MEIG1: variants seen among roughly 807,000 people sequenced by gnomAD.
MEIG1 encodes the protein meiosis/spermiogenesis associated 1.
A neutral mutation model predicts 11.3 loss-of-function variants in MEIG1; 12 were observed. The observed-to-expected ratio is 1.07, with a 90% confidence interval of 0.68 to 1.73. The LOEUF is 1.73. Among genes scored for constraint, MEIG1 ranks in the 40% most tolerant of loss-of-function variants. The probability of loss-of-function intolerance (pLI) is 0.00; values close to 1 mark genes in which losing one functional copy is unlikely to be tolerated. For synonymous variants in MEIG1, 41 were observed against 33.2 expected (o/e 1.24, Z -0.81); for missense variants, 119 against 104.9 (o/e 1.13, Z -0.59).
At chr10:14,958,651 C>A (rs946142730), upstream of MEIG1, among the ~76,000 whole-genome samples, 9 of 152,192 alleles carry the variant, frequency 5.9e-5, no homozygotes, top group Non-Finnish European at 1.0e-4. Flanking sequence ...AATCCCAGCT[C>A]TTTGGGAGGC....
chr10:14,976,827 G>T (rs1589213860), downstream of MEIG1, among the ~76,000 whole-genome samples: 1 of 151,912 alleles, frequency 6.6e-6, no homozygotes, highest in Non-Finnish European at 1.5e-5. Context: ...AATGTCACAG[G>T]GCGTGTAGAC....
chr10:14,969,628 A>C (rs910262188), intron 2 of MEIG1, among the ~76,000 whole-genome samples: 2 of 152,122 alleles, frequency 1.3e-5, no homozygotes, highest in Non-Finnish European at 2.9e-5. Context: ...TGCAGTCAGG[A>C]GTTAGAGACC....
At chr10:14,977,329 C>T (rs1174568170), downstream of MEIG1, among the ~76,000 whole-genome samples, 1 of 151,902 alleles carries the variant, frequency 6.6e-6, no homozygotes, top group East Asian at 1.9e-4. Flanking sequence ...TGTCACAGGC[C>T]TGTTCCTTCT....
chr10:14,971,216 G>A (rs117504113), intron 2 of MEIG1, among the ~76,000 whole-genome samples: 64 of 143,648 alleles, frequency 4.5e-4, no homozygotes, highest in African/African-American at 1.0e-3. Flanking sequence ...TAATAATAAT[G>A]ATAATAATAA....
downstream of MEIG1, among the ~76,000 whole-genome samples, chr10:14,976,550 CATAAG>C (rs1843212146): frequency 6.6e-6 from 1 of 150,632 alleles, no homozygotes; most frequent in East Asian, 1.9e-4. Context: ...GTATTATCCT[CATAAG>C]ATGTCACTCC....
chr10:14,978,006 C>T (rs1226244621), intron 1 of MEIG1, among the ~76,000 whole-genome samples: 2 of 151,852 alleles, frequency 1.3e-5, no homozygotes. Flanking sequence ...ATTGTACACC[C>T]TGTTCTATTA....
chr10:14,974,669 T>C (rs1376441096), downstream of MEIG1, among the ~76,000 whole-genome samples: 1 of 152,046 alleles, frequency 6.6e-6, no homozygotes, highest in Non-Finnish European at 1.5e-5. Context: ...ATTCTTAAAA[T>C]CAATAGCGAT....
intron 1 of MEIG1, among the ~76,000 whole-genome samples, chr10:14,978,169 C>T (rs1233593487): frequency 6.6e-6 from 1 of 151,904 alleles, no homozygotes; most frequent in Admixed American, 6.6e-5. Flanking sequence ...TGATACCACT[C>T]GCAATATCCA....
downstream of MEIG1, among the ~76,000 whole-genome samples, chr10:14,977,815 C>A (rs966072384): frequency 6.6e-5 from 10 of 151,896 alleles, no homozygotes; most frequent in African/African-American, 2.4e-4. Context: ...TGTGTGTACA[C>A]TCTGTGATAT....
chr10:14,981,809 G>A (rs1045668512), intron 1 of MEIG1, among the ~76,000 whole-genome samples: 1 of 152,312 alleles, frequency 6.6e-6, no homozygotes, highest in East Asian at 1.9e-4. Context: ...TGCAAACTCT[G>A]ACAGCCAAGC....
At chr10:14,976,247 C>G (rs763360333), downstream of MEIG1, among the ~76,000 whole-genome samples, 1 of 150,944 alleles carries the variant, frequency 6.6e-6, no homozygotes, top group Non-Finnish European at 1.5e-5. Context: ...GTAAAGTCAC[C>G]GGGGTATACA....
At chr10:14,975,263 G>A (rs140083510), downstream of MEIG1, among the ~76,000 whole-genome samples, 1 of 152,002 alleles carries the variant, frequency 6.6e-6, no homozygotes, top group South Asian at 2.1e-4. Flanking sequence ...CGCAGGCTGT[G>A]TACACCCACC....
At chr10:14,971,216 G>GATGATAATAATA (rs147640779) in intron 2 of MEIG1, among the ~76,000 whole-genome samples, 31 of 143,648 alleles carry the variant, frequency 2.2e-4, no homozygotes, top group Middle Eastern at 3.6e-3. Context: ...TAATAATAAT[G>GATGATAATAATA]ATAATAATAA....
intron 1 of MEIG1, among the ~76,000 whole-genome samples, chr10:14,960,022 C>T (rs1842994135): frequency 1.3e-5 from 2 of 152,332 alleles, no homozygotes; most frequent in Admixed American, 6.5e-5. Flanking sequence ...GGTCAGCACT[C>T]CCAGAGCAGG....
chr10:14,963,601 C>G (rs11259408), intron 1 of MEIG1, among the ~76,000 whole-genome samples: 83,837 of 152,012 alleles, frequency 0.55, 24,095 homozygotes, highest in Non-Finnish European at 0.64. Flanking sequence ...CATTAAAGGA[C>G]AAAGGTTTCA....
chr10:14,974,524 C>T (rs889965083), downstream of MEIG1, among the ~76,000 whole-genome samples: 5 of 152,022 alleles, frequency 3.3e-5, no homozygotes, highest in African/African-American at 1.2e-4. Context: ...CTCTCAGGGG[C>T]ATTTGGATCC....
chr10:14,978,558 A>G (rs1306450903), intron 1 of MEIG1, among the ~76,000 whole-genome samples: 3 of 151,892 alleles, frequency 2.0e-5, no homozygotes, highest in African/African-American at 4.8e-5. Flanking sequence ...GTCACAATGC[A>G]TGTACACCTT....
chr10:14,966,859 G>A (rs1399536322), intron 2 of MEIG1, among the ~76,000 whole-genome samples: 1 of 152,020 alleles, frequency 6.6e-6, no homozygotes, highest in Non-Finnish European at 1.5e-5. Context: ...TCAGCCTCGT[G>A]AGTAGCTGGG....
upstream of MEIG1, among the ~76,000 whole-genome samples, chr10:14,955,729 T>C (rs1381100543): frequency 6.6e-6 from 1 of 152,152 alleles, no homozygotes; most frequent in Non-Finnish European, 1.5e-5. Flanking sequence ...ATGACATCCC[T>C]AGTGAATGTC....
Sources: allele counts gnomAD v4.1 joint callset (sites outside exome capture counted in the v4.1 genomes callset), GRCh38; gene constraint gnomAD v4.1.1; transcripts MANE v1.5; gene names NCBI Gene and HGNC (gene_info 2026-07-23, HGNC 2026-07-21).